The following AOAH variants were observed in gnomAD, a reference collection of about 807,000 sequenced individuals.
AOAH encodes acyloxyacyl hydrolase (neutrophil).
A neutral mutation model predicts 92.2 loss-of-function variants in AOAH; 64 were observed. The observed-to-expected ratio is 0.69, with a 90% CI of 0.57 to 0.86. The LOEUF (loss-of-function observed/expected upper bound fraction) is 0.86. AOAH is among the 40% of genes least tolerant of loss of function. The pLI is 0.00. For missense variants in AOAH, 656 were observed against 694.6 expected, an observed-to-expected ratio of 0.94 and a Z score of 0.62; for synonymous variants, 263 against 254.5, an observed-to-expected ratio of 1.03 and a Z score of -0.32.
At chr7:36,674,956 T>C (rs920915153) in intron 2 of AOAH, among the ~76,000 whole-genome samples, 3 of 152,262 alleles carry the variant, frequency 2.0e-5, no homozygotes, top group African/African-American at 7.2e-5. Context: ...GTACGAGACT[T>C]TAAATACACT....
chr7:36,682,371 G>A lies in AOAH; in HGVS notation c.223+4328C>T, dbSNP rs189416031. 1.5e-4 allele frequency among the ~76,000 whole-genome samples: 23 copies of A among 152,136 alleles called. No homozygotes were observed. In the East Asian group the frequency reaches 2.1e-3, roughly 14 times the overall value. On this transcript the variant is annotated intron_variant, in intron 2 of 20. Transcript: ENST00000617537. ...GCATTTAGAAAAACTACCCCGAACCGCCTCTCTTTCTAAGAGTTTTTGAAA... is the reference window on the plus strand; with the variant it reads ...GCATTTAGAAAAACTACCCCGAACCACCTCTCTTTCTAAGAGTTTTTGAAA...
At chr7:36,527,108 G>C (rs934660851) in intron 19 of AOAH, among the ~76,000 whole-genome samples, 1 of 152,226 alleles carries the variant, frequency 6.6e-6, no homozygotes, top group African/African-American at 2.4e-5. Flanking sequence ...AGGAAAAGTT[G>C]CTGCCTCTGT....
intron 15 of AOAH, among the ~76,000 whole-genome samples, chr7:36,542,801 T>C (rs1023674584): frequency 6.6e-6 from 1 of 152,198 alleles, no homozygotes; most frequent in Non-Finnish European, 1.5e-5. Flanking sequence ...ATTAGGAATA[T>C]AATAACTAGA....
intron 12 of AOAH, among the ~76,000 whole-genome samples, chr7:36,579,261 T>TCCAGCCCAGC (rs561013959): frequency 4.6e-5 from 7 of 151,906 alleles, no homozygotes; most frequent in Admixed American, 2.0e-4. Flanking sequence ...TCTTGGATTC[T>TCCAGCCCAGC]CCAGCCCAGC....
chr7:36,607,227 C>G (rs1791069851), intron 11 of AOAH, among the ~76,000 whole-genome samples: 1 of 152,118 alleles, frequency 6.6e-6, no homozygotes, highest in Admixed American at 6.5e-5. Context: ...GAGACAAAGG[C>G]AAAGAAGTAT....
chr7:36,654,118 C>CGTGT (rs767355099), intron 4 of AOAH, among the ~76,000 whole-genome samples: 21,139 of 151,690 alleles, frequency 0.14, 2,006 homozygotes, highest in East Asian at 0.35. Context: ...CATCCCTGTG[C>CGTGT]GTGTGTGCGT....
intron 4 of AOAH, among the ~76,000 whole-genome samples, chr7:36,652,552 T>A (rs1794641948): frequency 6.6e-6 from 1 of 152,176 alleles, no homozygotes; most frequent in Non-Finnish European, 1.5e-5. Context: ...GGGAAAATAG[T>A]GACTTTGCAG....
At chr7:36,599,464 A>G (rs946046201) in intron 11 of AOAH, among the ~76,000 whole-genome samples, 4 of 152,212 alleles carry the variant, frequency 2.6e-5, no homozygotes, top group Non-Finnish European at 5.9e-5. Context: ...TACACAGTAT[A>G]TTCCCTTTTC....
chr7:36,537,235 G>C (rs1461681793), intron 16 of AOAH, among the ~76,000 whole-genome samples: 3 of 69,766 alleles, frequency 4.3e-5, no homozygotes, highest in Non-Finnish European at 9.6e-5. Flanking sequence ...TCCTTGATTG[G>C]ATTTTTTTTT....
intron 1 of AOAH, among the ~76,000 whole-genome samples, chr7:36,722,317 G>T (rs1799680031): frequency 6.6e-6 from 1 of 152,156 alleles, no homozygotes; most frequent in Non-Finnish European, 1.5e-5. Context: ...TGGGAACAGG[G>T]CAGAGAAAGG....
intron 4 of AOAH, among the ~76,000 whole-genome samples, chr7:36,651,960 A>G (rs920616943): frequency 1.3e-5 from 2 of 152,160 alleles, no homozygotes; most frequent in Non-Finnish European, 2.9e-5. Context: ...ATACACATAT[A>G]CTTTACTTAG....
intron 1 of AOAH, among the ~76,000 whole-genome samples, chr7:36,698,789 TG>T (rs1032632963): frequency 5.3e-5 from 8 of 152,168 alleles, no homozygotes; most frequent in African/African-American, 1.9e-4. Flanking sequence ...CTTAAAAATT[TG>T]TCATTTATTT....
intron 14 of AOAH, 100 bp from the exon 15 acceptor site, chr7:36,548,786 C>G: frequency 9.7e-7 from 1 of 1,025,716 alleles, no homozygotes; most frequent in Non-Finnish European, 1.5e-6. Flanking sequence ...TTGGTATGAC[C>G]ACCCTCTTGG....
chr7:36,690,306 C>A, intron 1 of AOAH: 1 of 359,950 alleles, frequency 2.8e-6, no homozygotes, highest in Admixed American at 3.5e-5. Context: ...CAAAAGGACC[C>A]TGCAGGAAAG....
At chr7:36,681,163 T>A (rs1466413456) in intron 2 of AOAH, among the ~76,000 whole-genome samples, 14 of 152,364 alleles carry the variant, frequency 9.2e-5, no homozygotes, top group Non-Finnish European at 2.9e-5. Flanking sequence ...CAAAGCTTAA[T>A]GATAACTGTG....
chr7:36,546,173 A>C (rs1785788630), intron 15 of AOAH, among the ~76,000 whole-genome samples: 1 of 152,254 alleles, frequency 6.6e-6, no homozygotes, highest in Non-Finnish European at 1.5e-5. Flanking sequence ...GGATGAGTTT[A>C]GAGAATTGAG....
intron 5 of AOAH, among the ~76,000 whole-genome samples, chr7:36,633,859 C>A (rs548329472): frequency 6.6e-6 from 1 of 152,278 alleles, no homozygotes; most frequent in African/African-American, 2.4e-5. Flanking sequence ...GATAATAATT[C>A]AGTCTTTGCT....
chr7:36,591,088 CAG>C (rs10554048), intron 12 of AOAH, among the ~76,000 whole-genome samples: 51,823 of 151,970 alleles, frequency 0.34, 9,183 homozygotes, highest in Middle Eastern at 0.42. Flanking sequence ...AGATTCCAAA[CAG>C]AGAATTTCCT....
At chr7:36,690,101 A>C (rs1383715883) in intron 1 of AOAH, 9 of 442,398 alleles carry the variant, frequency 2.0e-5, no homozygotes, top group Non-Finnish European at 4.1e-5. Flanking sequence ...ACTTACACAT[A>C]TGGGCTTTTC....
Sources: gnomAD v4.1 joint callset for allele counts (sites outside exome capture counted in the v4.1 genomes callset) on GRCh38, gnomAD v4.1.1 for gene constraint, MANE v1.5 for transcripts, NCBI Gene and HGNC (gene_info 2026-07-23, HGNC 2026-07-21) for gene names.